The following SGCD variants were observed in gnomAD, a reference collection of about 807,000 sequenced individuals.
SGCD encodes the protein sarcoglycan delta, also known as delta-sarcoglycan.
Under a neutral mutation model 36.6 loss-of-function variants are expected in SGCD, and 18 were observed. That is an observed-to-expected ratio of 0.49 (90% CI 0.34 to 0.73). The LOEUF is 0.73. SGCD is among the 30% of genes least tolerant of loss of function. The pLI, the probability that SGCD is intolerant of heterozygous loss-of-function variation, is 0.01. For synonymous variants in SGCD, 133 were observed against 130.6 expected, an observed-to-expected ratio of 1.02 and a Z score of -0.12; for missense variants, 387 against 346.7, an observed-to-expected ratio of 1.12 and a Z score of -0.92.
chr5:156,669,521 G>T (rs1441909764), intron 7 of SGCD, among the ~76,000 whole-genome samples: 1 of 152,170 alleles, frequency 6.6e-6, no homozygotes, highest in African/African-American at 2.4e-5. Context: ...AGGATAAGCA[G>T]TTTGAAAGAA....
intron 1 of SGCD, among the ~76,000 whole-genome samples, chr5:155,940,524 A>G (rs1757300244): frequency 6.6e-6 from 1 of 152,200 alleles, no homozygotes; most frequent in South Asian, 2.1e-4. Context: ...ATAAATTAAT[A>G]CACATAAAAC....
chr5:156,585,745 CAT>C (rs1388942363), intron 4 of SGCD, among the ~76,000 whole-genome samples: 3 of 152,132 alleles, frequency 2.0e-5, no homozygotes, highest in Admixed American at 6.6e-5. Context: ...AAAGTGAAAT[CAT>C]GTGTTCACAG....
chr5:156,513,933 A>C (rs906565154), intron 4 of SGCD, among the ~76,000 whole-genome samples: 1 of 152,254 alleles, frequency 6.6e-6, no homozygotes, highest in African/African-American at 2.4e-5. Flanking sequence ...TTAAGCATTC[A>C]ACCATGACAT....
chr5:155,838,205 C>T, the SGCD span, among the ~76,000 whole-genome samples: 7 of 152,092 alleles, frequency 4.6e-5, no homozygotes, highest in Admixed American at 3.3e-4. Context: ...AAGATTTTAA[C>T]GATTATTTAA....
chr5:156,413,931 T>A (rs1772899585), intron 3 of SGCD, among the ~76,000 whole-genome samples: 1 of 152,176 alleles, frequency 6.6e-6, no homozygotes, highest in Non-Finnish European at 1.5e-5. Context: ...GTTTTGGAGA[T>A]GAAAGTCATA....
At chr5:156,717,272 G>A (rs1258294159) in intron 7 of SGCD, among the ~76,000 whole-genome samples, 1 of 152,128 alleles carries the variant, frequency 6.6e-6, no homozygotes, top group Non-Finnish European at 1.5e-5. Context: ...TCACTCCATT[G>A]CTTGGAGATA....
intron 6 of SGCD, among the ~76,000 whole-genome samples, chr5:156,604,719 G>GCACATTATATATGTATATATACATATATA (rs1158852878): frequency 8.5e-5 from 2 of 23,410 alleles, no homozygotes; most frequent in Non-Finnish European, 1.3e-4. Context: ...TGAAATATAT[G>GCACATTATATATGTATATATACATATATA]CACATTATAT....
At chr5:156,457,603 C>T (rs1358129172) in intron 3 of SGCD, among the ~76,000 whole-genome samples, 2 of 152,184 alleles carry the variant, frequency 1.3e-5, no homozygotes, top group Non-Finnish European at 2.9e-5. Flanking sequence ...ATTCTCTCCA[C>T]TGTTATTTCT....
At chr5:156,124,023 T>A (rs954045825) in intron 3 of SGCD, 1 of 152,170 alleles carries the variant, frequency 6.6e-6, no homozygotes, top group Non-Finnish European at 1.5e-5. Context: ...TGCTAAGGTA[T>A]GAGTTTGTGA....
At chr5:155,766,593 A>C in the SGCD span, among the ~76,000 whole-genome samples, 3 of 152,194 alleles carry the variant, frequency 2.0e-5, no homozygotes, top group Non-Finnish European at 4.4e-5. Context: ...AGCAGATTTT[A>C]GGGGTAGAGC....
intron 3 of SGCD, among the ~76,000 whole-genome samples, chr5:156,239,878 G>C (rs536600394): frequency 1.8e-4 from 27 of 152,314 alleles, no homozygotes; most frequent in Admixed American, 1.6e-3. Context: ...TACTCTAGTA[G>C]TTTGCTGAGA....
At chr5:156,126,083 A>T (rs1762164877) in intron 3 of SGCD, among the ~76,000 whole-genome samples, 2 of 151,606 alleles carry the variant, frequency 1.3e-5, no homozygotes, top group African/African-American at 4.8e-5. Flanking sequence ...GTTTTGCCAT[A>T]TTGTCCACGC....
the SGCD span, among the ~76,000 whole-genome samples, chr5:155,781,593 C>T: frequency 6.6e-6 from 1 of 152,190 alleles, no homozygotes; most frequent in East Asian, 1.9e-4. Context: ...TCCTGAGTAG[C>T]TGGGACTGTA....
the SGCD span, among the ~76,000 whole-genome samples, chr5:155,752,953 T>C: frequency 6.6e-6 from 1 of 152,200 alleles, no homozygotes; most frequent in African/African-American, 2.4e-5. Flanking sequence ...ATGATTTGCA[T>C]GCAGGTTTAA....
At position 156,061,270 on chromosome 5, in the gene SGCD, A is replaced by G. The variant is rs144597992; in HGVS notation, c.-281-56608A>G. On this transcript the variant is annotated intron_variant, in intron 1 of 9. Transcript: ENST00000517913. Reference sequence around the variant, plus strand: ...TACTATTCTTCAAGGCTAAGAGAATATAAGCGTTGGTCTTTAGCTGAAGAT... The same window carrying G: ...TACTATTCTTCAAGGCTAAGAGAATGTAAGCGTTGGTCTTTAGCTGAAGAT... Among the ~76,000 whole-genome samples, 6 of 145,802 alleles carry G rather than the reference A, an allele frequency of 4.1e-5. No individual in the cohort carries two copies. The East Asian group carries it at 9.6e-4, about 23-fold the overall frequency.
chr5:155,813,929 A>G, the SGCD span, among the ~76,000 whole-genome samples: 2 of 152,212 alleles, frequency 1.3e-5, no homozygotes, highest in African/African-American at 4.8e-5. Flanking sequence ...ATGAAGGGCA[A>G]TTCATTCTTT....
rs543187370 is a variant in SGCD at position 156,761,609 on chromosome 5, T to C, written c.*2219T>C. 6.6e-6 allele frequency: 1 copy of C among 152,322 alleles called. No individual in the cohort carries two copies. The highest frequency in any genetic ancestry group is 2.1e-4 in the South Asian group (1 of 4,832). The allele number at this position is 152,322 out of a possible 1,614,324, so 9.4% of individuals were successfully genotyped here. Reference sequence around the variant, plus strand: ...AGCTACAAAGTCATTTGTGGCTAGATAGGTTAAGACAGGTGATTTTTTAAA... The same window carrying C: ...AGCTACAAAGTCATTTGTGGCTAGACAGGTTAAGACAGGTGATTTTTTAAA... On this transcript the variant is annotated 3_prime_UTR_variant, in exon 9 of 9. Transcript: ENST00000337851.
At chr5:155,962,621 A>G (rs1237207275) in intron 1 of SGCD, among the ~76,000 whole-genome samples, 1 of 152,116 alleles carries the variant, frequency 6.6e-6, no homozygotes, top group Non-Finnish European at 1.5e-5. Flanking sequence ...GACTGAAATA[A>G]GAAAAGGTCC....
At chr5:156,721,297 G>GGTAA (rs1301534568) in intron 7 of SGCD, among the ~76,000 whole-genome samples, 31 of 152,148 alleles carry the variant, frequency 2.0e-4, no homozygotes, top group African/African-American at 7.2e-4. Flanking sequence ...TCACCTAGGA[G>GGTAA]GTAAGTATTG....
Sources: gnomAD v4.1 joint callset for allele counts (sites outside exome capture counted in the v4.1 genomes callset) on GRCh38, gnomAD v4.1.1 for gene constraint, MANE v1.5 for transcripts, NCBI Gene and HGNC (gene_info 2026-07-23, HGNC 2026-07-21) for gene names.